Variants in GRM3 observed in about 807,000 individuals in gnomAD.
The protein encoded by GRM3 is glutamate metabotropic receptor 3.
GRM3 carries 26 observed loss-of-function variants against 70.5 expected under a neutral mutation model. The ratio of observed to expected loss-of-function variants is 0.37; its 90% CI spans 0.27 to 0.51. The LOEUF (loss-of-function observed/expected upper bound fraction) is 0.51. Ranked by LOEUF, GRM3 falls within the 20% of genes least tolerant of loss-of-function variation. The pLI, the probability that GRM3 is intolerant of heterozygous loss-of-function variation, is 0.93. For synonymous variants in GRM3, 443 were observed against 434.9 expected, an observed-to-expected ratio of 1.02 and a Z score of -0.23; for missense variants, 859 against 1,123.8, an observed-to-expected ratio of 0.76 and a Z score of 3.37.
At chr7:86,812,266 G>A (rs972809326) in intron 3 of GRM3, among the ~76,000 whole-genome samples, 4 of 151,780 alleles carry the variant, frequency 2.6e-5, no homozygotes, top group Non-Finnish European at 4.4e-5. Context: ...GATGAATTTT[G>A]CAATGCATAT....
chr7:86,685,266 A>G (rs1025099925), intron 1 of GRM3, among the ~76,000 whole-genome samples: 2 of 152,202 alleles, frequency 1.3e-5, no homozygotes, highest in African/African-American at 2.4e-5. Context: ...GGTATTCCTA[A>G]ATAAAGCTTT....
chr7:86,669,335 T>C (rs1235895562), intron 1 of GRM3, among the ~76,000 whole-genome samples: 1 of 152,154 alleles, frequency 6.6e-6, no homozygotes, highest in Non-Finnish European at 1.5e-5. Context: ...CACTAAGAAC[T>C]AGGGAAAGAA....
At chr7:86,674,638 T>C (rs1794260876) in intron 1 of GRM3, among the ~76,000 whole-genome samples, 1 of 152,030 alleles carries the variant, frequency 6.6e-6, no homozygotes. Flanking sequence ...CTAAAAGATA[T>C]CTCCCATTAT....
At chr7:86,815,674 A>G (rs1321115577) in intron 3 of GRM3, among the ~76,000 whole-genome samples, 1 of 151,896 alleles carries the variant, frequency 6.6e-6, no homozygotes, top group Non-Finnish European at 1.5e-5. Context: ...CATATACTTT[A>G]TCATCCAACC....
chr7:86,836,779 T>TA (rs1232615086), intron 3 of GRM3, among the ~76,000 whole-genome samples: 1 of 152,252 alleles, frequency 6.6e-6, no homozygotes, highest in Non-Finnish European at 1.5e-5. Context: ...CTTAACATGT[T>TA]ATATGATTTA....
intron 2 of GRM3, among the ~76,000 whole-genome samples, chr7:86,772,816 TAGGGAGTTTA>T (rs1796780825): frequency 6.6e-6 from 1 of 152,086 alleles, no homozygotes; most frequent in Non-Finnish European, 1.5e-5. Flanking sequence ...TAGTTGCATT[TAGGGAGTTTA>T]GTACTGCAAA....
At chr7:86,856,768 TTG>T (rs1798857832) in intron 5 of GRM3, among the ~76,000 whole-genome samples, 1 of 152,152 alleles carries the variant, frequency 6.6e-6, no homozygotes, top group Non-Finnish European at 1.5e-5. Flanking sequence ...AACACTTTCA[TTG>T]TGTTTGTCTC....
intron 1 of GRM3, among the ~76,000 whole-genome samples, chr7:86,679,706 T>G (rs1794397899): frequency 1.3e-5 from 2 of 151,994 alleles, no homozygotes; most frequent in Non-Finnish European, 2.9e-5. Flanking sequence ...CCCTTGATCA[T>G]CTCCATCAGA....
chr7:86,645,030 G>T, intron 1 of GRM3, 158 bp downstream of exon 1: 1 of 364,638 alleles, frequency 2.7e-6, no homozygotes, highest in Non-Finnish European at 5.4e-6. Context: ...GAGGGCAGAG[G>T]CGATGTGGGT....
intron 3 of GRM3, among the ~76,000 whole-genome samples, chr7:86,817,225 A>T (rs1380041020): frequency 6.6e-6 from 1 of 151,924 alleles, no homozygotes; most frequent in African/African-American, 2.4e-5. Flanking sequence ...AGAAACCTTA[A>T]ATGCTTTACA....
At chr7:86,743,224 G>T (rs1274819119) in intron 1 of GRM3, among the ~76,000 whole-genome samples, 1 of 152,086 alleles carries the variant, frequency 6.6e-6, no homozygotes, top group Non-Finnish European at 1.5e-5. Flanking sequence ...TATGGAGAAT[G>T]GAAGCAACAG....
chr7:86,686,587 A>G (rs1214826817), intron 1 of GRM3, among the ~76,000 whole-genome samples: 1 of 152,228 alleles, frequency 6.6e-6, no homozygotes, highest in Non-Finnish European at 1.5e-5. Flanking sequence ...ACTCAAGTGT[A>G]AGGGCAAATA....
intron 3 of GRM3, among the ~76,000 whole-genome samples, chr7:86,798,945 G>A (rs1242314505): frequency 1.3e-5 from 2 of 152,068 alleles, no homozygotes; most frequent in Non-Finnish European, 2.9e-5. Context: ...GGCCTACCCA[G>A]CCATGTGGAA....
intron 1 of GRM3, among the ~76,000 whole-genome samples, chr7:86,725,506 C>A (rs751774028): frequency 3.3e-5 from 5 of 152,138 alleles, no homozygotes; most frequent in Non-Finnish European, 7.4e-5. Context: ...CATAGCATCA[C>A]CCTCACCACA....
At chr7:86,774,257 T>G (rs1261673956) in intron 2 of GRM3, among the ~76,000 whole-genome samples, 1 of 152,130 alleles carries the variant, frequency 6.6e-6, no homozygotes. Context: ...ATGGATTTAA[T>G]GTAGTAGAGG....
intron 1 of GRM3, among the ~76,000 whole-genome samples, chr7:86,684,325 T>G (rs1794511192): frequency 6.6e-6 from 1 of 152,238 alleles, no homozygotes. Context: ...CACAGAGGGC[T>G]GTTGCATTAA....
At chr7:86,857,343 G>A (rs909885402) in intron 5 of GRM3, among the ~76,000 whole-genome samples, 1 of 152,164 alleles carries the variant, frequency 6.6e-6, no homozygotes, top group Admixed American at 6.5e-5. Flanking sequence ...GAGGAGAACA[G>A]AGAGGCATTA....
chr7:86,696,919 A>G (rs1465726069), intron 1 of GRM3, among the ~76,000 whole-genome samples: 1 of 152,120 alleles, frequency 6.6e-6, no homozygotes, highest in African/African-American at 2.4e-5. Flanking sequence ...CTGCTCTACT[A>G]TTCTGGCTCT....
intron 4 of GRM3, among the ~76,000 whole-genome samples, chr7:86,846,510 C>A (rs1486973505): frequency 6.6e-6 from 1 of 152,120 alleles, no homozygotes; most frequent in Non-Finnish European, 1.5e-5. Flanking sequence ...TTTCTGCCTA[C>A]CCAGGACAAA....
Sources: allele counts gnomAD v4.1 joint callset (sites outside exome capture counted in the v4.1 genomes callset), GRCh38; gene constraint gnomAD v4.1.1; transcripts MANE v1.5; gene names NCBI Gene and HGNC (gene_info 2026-07-23, HGNC 2026-07-21).